MAPK4: variants seen among roughly 807,000 people sequenced by gnomAD.
MAPK4 encodes the protein mitogen-activated protein kinase 4, also known as Erk3-related.
A neutral mutation model predicts 47.7 loss-of-function variants in MAPK4; 22 were observed. That is an observed-to-expected ratio of 0.46 (90% CI 0.33 to 0.66). The LOEUF (loss-of-function observed/expected upper bound fraction) is 0.66. MAPK4 is among the 30% of genes least tolerant of loss of function. The pLI is 0.02. For missense variants in MAPK4, 736 were observed against 831.7 expected (o/e 0.88, Z 1.42); for synonymous variants, 390 against 365.7 (o/e 1.07, Z -0.76).
At chr18:50,654,555 C>A (rs927794436) in intron 1 of MAPK4, among the ~76,000 whole-genome samples, 10 of 152,258 alleles carry the variant, frequency 6.6e-5, no homozygotes, top group African/African-American at 1.9e-4. Context: ...TCTGCTATCT[C>A]AGATCTCCTT....
At chr18:50,652,979 C>T (rs191391790) in intron 1 of MAPK4, among the ~76,000 whole-genome samples, 6 of 152,042 alleles carry the variant, frequency 3.9e-5, no homozygotes, top group Admixed American at 2.6e-4. Context: ...CCCAGGAGTT[C>T]GAGACCAGCC....
intron 1 of MAPK4, among the ~76,000 whole-genome samples, chr18:50,591,804 G>A (rs1487239863): frequency 1.3e-5 from 2 of 152,102 alleles, no homozygotes; most frequent in East Asian, 3.9e-4. Context: ...ATGTACTTCT[G>A]CTATCTGGTC....
chr18:50,698,132 A>G lies in MAPK4; in HGVS notation c.547-16947A>G, dbSNP rs555668762. Among the ~76,000 whole-genome samples the G allele has an allele frequency of 5.9e-5, 9 of 152,348 alleles. No homozygotes were observed. In the South Asian group the frequency reaches 1.2e-3, roughly 21 times the overall value. ...GGCCCTGCCCCAAATACTTCTATTT[A>G]TGACCATCTTTGATCAACATCAAAT... On this transcript the variant is annotated intron_variant, in intron 2 of 5. Transcript: ENST00000400384.
chr18:50,712,904 A>C (rs1023297192), intron 2 of MAPK4, among the ~76,000 whole-genome samples: 1 of 152,242 alleles, frequency 6.6e-6, no homozygotes, highest in African/African-American at 2.4e-5. Context: ...CCACCTAAAA[A>C]TGAACTTCTA....
intron 1 of MAPK4, among the ~76,000 whole-genome samples, chr18:50,605,266 T>G (rs2042572540): frequency 6.6e-6 from 1 of 152,184 alleles, no homozygotes; most frequent in Non-Finnish European, 1.5e-5. Context: ...GGATGGGCAC[T>G]GGGGAAACAT....
chr18:50,717,004 A>T (rs924623521), intron 3 of MAPK4, among the ~76,000 whole-genome samples: 1 of 151,538 alleles, frequency 6.6e-6, no homozygotes, highest in Admixed American at 6.6e-5. Context: ...ACCTCATCTC[A>T]TCTCCCATCA....
rs536898542 is a variant in MAPK4, at chr18:50,663,783, C to T, written c.-176C>T. The T allele has an allele frequency of 8.4e-6, 5 of 593,938 alleles. No homozygotes were observed. The highest frequency in any genetic ancestry group is 1.9e-5 in the African/African-American group (1 of 53,876). 36.8% of individuals were successfully genotyped at this position (593,938 alleles called of 1,614,324 possible). Reference sequence around the variant, plus strand: ...AACTAGCACAGCTCAGCGAGCATGACCATATGCCATTCTCGTCTCCAGAGA... The same window carrying T: ...AACTAGCACAGCTCAGCGAGCATGATCATATGCCATTCTCGTCTCCAGAGA... On this transcript the variant is annotated 5_prime_UTR_variant, in exon 2 of 6. Coordinates refer to ENST00000400384, the MANE Select transcript of MAPK4 (RefSeq NM_002747.4).
At chr18:50,584,891 T>G (rs2042375883) in intron 1 of MAPK4, among the ~76,000 whole-genome samples, 1 of 152,178 alleles carries the variant, frequency 6.6e-6, no homozygotes, top group African/African-American at 2.4e-5. Flanking sequence ...ACTACAAATA[T>G]CAGTAGCGTT....
At chr18:50,626,532 C>T (rs1382427834) in intron 1 of MAPK4, among the ~76,000 whole-genome samples, 1 of 152,128 alleles carries the variant, frequency 6.6e-6, no homozygotes, top group Non-Finnish European at 1.5e-5. Context: ...ACCTTTGGCC[C>T]AAGGGTTCAT....
At chr18:50,674,819 C>A (rs774529496) in intron 2 of MAPK4, among the ~76,000 whole-genome samples, 1 of 152,168 alleles carries the variant, frequency 6.6e-6, no homozygotes, top group Non-Finnish European at 1.5e-5. Flanking sequence ...ATATTCCTGG[C>A]ACCTAGCATA....
chr18:50,566,813 A>G (rs1194810497), intron 1 of MAPK4, among the ~76,000 whole-genome samples: 1 of 152,210 alleles, frequency 6.6e-6, no homozygotes, highest in African/African-American at 2.4e-5. Context: ...AGTAATATAT[A>G]TTCATTATGG....
At chr18:50,688,906 A>AG (rs1176329412) in intron 2 of MAPK4, among the ~76,000 whole-genome samples, 3 of 151,248 alleles carry the variant, frequency 2.0e-5, no homozygotes, top group African/African-American at 4.8e-5. Flanking sequence ...AAAAAAAAAA[A>AG]AAAAGAAAGA....
intron 1 of MAPK4, among the ~76,000 whole-genome samples, chr18:50,574,037 C>T (rs11873632): frequency 0.26 from 39,898 of 151,952 alleles, 5,247 homozygotes; most frequent in South Asian, 0.32. Context: ...GATTCCACAT[C>T]GGCGTTCTTT....
chr18:50,697,307 G>A (rs1233658332), intron 2 of MAPK4, among the ~76,000 whole-genome samples: 1 of 152,172 alleles, frequency 6.6e-6, no homozygotes, highest in East Asian at 1.9e-4. Context: ...CAAACCTACC[G>A]GCGTAGCATA....
At chr18:50,634,665 A>G (rs1313454992) in intron 1 of MAPK4, among the ~76,000 whole-genome samples, 3 of 152,212 alleles carry the variant, frequency 2.0e-5, no homozygotes. Flanking sequence ...GTGATCTGAA[A>G]CAGCCAGGCT....
chr18:50,716,469 A>G (rs1374311152), intron 3 of MAPK4, among the ~76,000 whole-genome samples: 1 of 152,040 alleles, frequency 6.6e-6, no homozygotes, highest in Non-Finnish European at 1.5e-5. Flanking sequence ...GCTGTCACTT[A>G]CTCAAAGAAT....
intron 1 of MAPK4, among the ~76,000 whole-genome samples, chr18:50,605,706 G>C (rs367925224): frequency 6.6e-6 from 1 of 152,214 alleles, no homozygotes; most frequent in Non-Finnish European, 1.5e-5. Flanking sequence ...AGGAGGTAGA[G>C]GGGAGGAGGA....
At chr18:50,580,504 T>A (rs1473553156) in intron 1 of MAPK4, among the ~76,000 whole-genome samples, 1 of 152,268 alleles carries the variant, frequency 6.6e-6, no homozygotes, top group South Asian at 2.1e-4. Context: ...ATGCCCATGC[T>A]CTTACTAGGT....
intron 2 of MAPK4, among the ~76,000 whole-genome samples, chr18:50,670,550 A>G (rs907436993): frequency 8.5e-5 from 13 of 152,068 alleles, no homozygotes; most frequent in African/African-American, 3.1e-4. Context: ...TGAGGTTAGG[A>G]GTTTGAGACC....
Sources: gnomAD v4.1 joint callset for allele counts (sites outside exome capture counted in the v4.1 genomes callset) on GRCh38, gnomAD v4.1.1 for gene constraint, MANE v1.5 for transcripts, NCBI Gene and HGNC (gene_info 2026-07-23, HGNC 2026-07-21) for gene names.